The following CPNE4 variants were observed in gnomAD, a reference collection of about 807,000 sequenced individuals.
CPNE4 encodes the protein copine 4.
CPNE4 carries 25 observed loss-of-function variants against 67.9 expected under a neutral mutation model. The ratio of observed to expected loss-of-function variants is 0.37; its 90% CI spans 0.27 to 0.51. CPNE4 has a LOEUF of 0.51. CPNE4 is among the 20% of genes least tolerant of loss of function. CPNE4 has a pLI of 0.93. For synonymous variants in CPNE4, 242 were observed against 244.9 expected (o/e 0.99, Z 0.11); for missense variants, 464 against 690.8 (o/e 0.67, Z 3.68).
chr3:131,932,695 A>G (rs2071102280), intron 1 of CPNE4, among the ~76,000 whole-genome samples: 1 of 152,046 alleles, frequency 6.6e-6, no homozygotes, highest in African/African-American at 2.4e-5. Flanking sequence ...TGGGAGGCCA[A>G]GGTGGGCAGA....
intron 1 of CPNE4, among the ~76,000 whole-genome samples, chr3:131,934,264 T>C (rs2071154714): frequency 6.6e-6 from 1 of 152,164 alleles, no homozygotes; most frequent in Non-Finnish European, 1.5e-5. Context: ...TGAGGAATTT[T>C]GATTGGAGTG....
At chr3:131,728,928 G>A (rs1349380534) in intron 2 of CPNE4, among the ~76,000 whole-genome samples, 1 of 148,018 alleles carries the variant, frequency 6.8e-6, no homozygotes, top group Non-Finnish European at 1.5e-5. Flanking sequence ...AAAAAAATTG[G>A]CTTGTGTGCG....
intron 2 of CPNE4, among the ~76,000 whole-genome samples, chr3:131,892,622 A>G (rs569760975): frequency 6.6e-6 from 1 of 151,724 alleles, no homozygotes; most frequent in East Asian, 1.9e-4. Context: ...AAACAACAAA[A>G]GCTACATTTA....
At chr3:131,621,130 CT>C (rs1940441705) in intron 7 of CPNE4, among the ~76,000 whole-genome samples, 1 of 152,206 alleles carries the variant, frequency 6.6e-6, no homozygotes, top group Admixed American at 6.5e-5. Flanking sequence ...GCACGCATTT[CT>C]GGGTGAATAA....
At chr3:131,859,580 C>T (rs1253747907) in intron 2 of CPNE4, among the ~76,000 whole-genome samples, 1 of 152,094 alleles carries the variant, frequency 6.6e-6, no homozygotes, top group African/African-American at 2.4e-5. Flanking sequence ...CACTCCAGGC[C>T]AATAAAAGTA....
chr3:131,814,925 C>T (rs750203769), intron 2 of CPNE4, among the ~76,000 whole-genome samples: 14 of 151,992 alleles, frequency 9.2e-5, no homozygotes, highest in South Asian at 2.1e-4. Flanking sequence ...TTTAAGAGTG[C>T]CTTCAAATGC....
At chr3:131,711,870 T>C (rs1289707821) in intron 3 of CPNE4, among the ~76,000 whole-genome samples, 1 of 152,198 alleles carries the variant, frequency 6.6e-6, no homozygotes, top group Non-Finnish European at 1.5e-5. Flanking sequence ...ACTTATTTGT[T>C]CTTCGTGCCC....
chr3:131,569,662 A>C (rs868170169), intron 10 of CPNE4, among the ~76,000 whole-genome samples: 4,927 of 142,428 alleles, frequency 0.035, 60 homozygotes, highest in Middle Eastern at 0.067. Context: ...ACAAAAAAAA[A>C]CAAAAAAAAA....
At chr3:131,745,641 C>A (rs2082469388) in intron 2 of CPNE4, among the ~76,000 whole-genome samples, 1 of 151,984 alleles carries the variant, frequency 6.6e-6, no homozygotes, top group South Asian at 2.1e-4. Flanking sequence ...TATAAATGTC[C>A]AACTGCTTCA....
chr3:132,000,586 T>C (rs965309303), intron 1 of CPNE4, among the ~76,000 whole-genome samples: 2 of 151,568 alleles, frequency 1.3e-5, no homozygotes, highest in Non-Finnish European at 1.5e-5. Context: ...CCATAAAGTG[T>C]TAAGGAAGAG....
At chr3:131,540,429 C>A (rs777739686) in intron 15 of CPNE4, among the ~76,000 whole-genome samples, 3 of 152,156 alleles carry the variant, frequency 2.0e-5, no homozygotes, top group Non-Finnish European at 2.9e-5. Context: ...TATTTTAAAG[C>A]CTGTCCAAAG....
intron 2 of CPNE4, among the ~76,000 whole-genome samples, chr3:131,814,578 T>A (rs1162402697): frequency 1.6e-4 from 1 of 6,320 alleles, no homozygotes; most frequent in Non-Finnish European, 2.8e-4. Context: ...TGCAATTTTT[T>A]TTTTTTTTTT....
chr3:131,953,923 C>A (rs1426060882), intron 1 of CPNE4, among the ~76,000 whole-genome samples: 1 of 152,058 alleles, frequency 6.6e-6, no homozygotes, highest in African/African-American at 2.4e-5. Context: ...GAAAGGAAAA[C>A]ATTTTTGAGG....
At chr3:132,006,460 C>G (rs1322829981) in intron 1 of CPNE4, among the ~76,000 whole-genome samples, 4 of 152,136 alleles carry the variant, frequency 2.6e-5, no homozygotes, top group African/African-American at 9.7e-5. Flanking sequence ...ACAACTTAGG[C>G]TCTCTCTAAG....
rs35483784 is a variant in CPNE4, at chr3:131,979,510, CT to C, written c.-2+55056del. ...CTGATAAAATAGCTACTCCTGCTCGCTTTTGGTGTCCATTTGCATGAAATGC... is the reference window on the plus strand; with the variant it reads ...CTGATAAAATAGCTACTCCTGCTCGCTTTGGTGTCCATTTGCATGAAATGC... On this transcript the variant is annotated intron_variant, in intron 1 of 15. Coordinates refer to ENST00000429747, the MANE Select transcript of CPNE4 (RefSeq NM_130808.3). Among the ~76,000 whole-genome samples the C allele has an allele frequency of 1.3e-3, 194 of 152,246 alleles. 4 individuals carry two copies. In the East Asian group the frequency reaches 0.031, roughly 24 times the overall value.
intron 6 of CPNE4, among the ~76,000 whole-genome samples, chr3:131,672,712 A>C (rs1473005623): frequency 1.3e-5 from 2 of 151,632 alleles, no homozygotes; most frequent in Admixed American, 6.6e-5. Flanking sequence ...GAGTTGTTTG[A>C]GCTCCTTATA....
At chr3:131,936,049 C>T (rs1239723394) in intron 1 of CPNE4, among the ~76,000 whole-genome samples, 2 of 151,868 alleles carry the variant, frequency 1.3e-5, no homozygotes, top group East Asian at 1.9e-4. Context: ...CAGAAATAGT[C>T]TTCAGGGCTT....
At chr3:132,034,341 C>G (rs575710993) in intron 1 of CPNE4, among the ~76,000 whole-genome samples, 1 of 152,152 alleles carries the variant, frequency 6.6e-6, no homozygotes, top group Non-Finnish European at 1.5e-5. Context: ...CCCACCTGGG[C>G]GAGTTGGGTG....
At chr3:131,961,923 C>A (rs1449761033) in intron 1 of CPNE4, among the ~76,000 whole-genome samples, 1 of 152,204 alleles carries the variant, frequency 6.6e-6, no homozygotes, top group Non-Finnish European at 1.5e-5. Context: ...CCAAGTCATA[C>A]CCATTCTACT....
Sources: allele counts gnomAD v4.1 joint callset (sites outside exome capture counted in the v4.1 genomes callset), GRCh38; gene constraint gnomAD v4.1.1; transcripts MANE v1.5; gene names NCBI Gene and HGNC (gene_info 2026-07-23, HGNC 2026-07-21).